The following C16orf96 variants were observed in gnomAD, a reference collection of about 807,000 sequenced individuals.
C16orf96 encodes uncharacterized protein C16orf96.
C16orf96 carries 108 observed loss-of-function variants against 103.6 expected under a neutral mutation model. That is an observed-to-expected ratio of 1.04 (90% CI 0.89 to 1.22). The LOEUF is 1.22. Among genes scored for constraint, C16orf96 ranks in the 50% most tolerant of loss-of-function variants. The pLI is 0.00. For synonymous variants in C16orf96, 566 were observed against 593.5 expected (o/e 0.95, Z 0.67); for missense variants, 1,586 against 1,464.2 (o/e 1.08, Z -1.36).
intron 15 of C16orf96, 128 bp from the exon 16 acceptor site, chr16:4,599,972 C>G: frequency 1.0e-6 from 1 of 960,540 alleles, no homozygotes; most frequent in Non-Finnish European, 1.5e-6. Flanking sequence ...GGTGCCCAGC[C>G]GGCCATGGCC....
intron 1 of C16orf96, among the ~76,000 whole-genome samples, chr16:4,568,186 G>C (rs2059401716): frequency 6.6e-6 from 1 of 151,940 alleles, no homozygotes; most frequent in East Asian, 1.9e-4. Flanking sequence ...TTACAGGCAT[G>C]AGCCACCATA....
At chr16:4,555,641 G>A (rs2059255805), upstream of C16orf96, among the ~76,000 whole-genome samples, 1 of 151,516 alleles carries the variant, frequency 6.6e-6, no homozygotes, top group Non-Finnish European at 1.5e-5. Context: ...AGAGTGCTGG[G>A]ATTACATATG....
Position 4,556,982 on chromosome 16 carries a change from G to T in C16orf96, c.420+73G>T, listed in dbSNP as rs28377843. On this transcript the variant is annotated intron_variant, in intron 1 of 15. Transcript: ENST00000444310. ...CTCTCTCCTGGGACGTCTTTTTTTT[G>T]TTTTTGAGACTCCGTCTCGCTCTGT... 8.4e-6 allele frequency: 12 copies of T among 1,430,736 alleles called. No individual in the cohort carries two copies. In the African/African-American group the frequency reaches 8.7e-5, roughly 10 times the overall value. 88.6% of individuals were successfully genotyped at this position (1,430,736 alleles called of 1,614,324 possible).
At position 4,594,401 on chromosome 16, in the gene C16orf96, AGCAGGACTGGG is replaced by A. The variant is rs1897125142; in HGVS notation, c.2920_2930del (p.Gln974Ter). The stretch of plus-strand genomic sequence containing the variant: ...GACCTCGGTATCCAGGAGGATTGTC[AGCAGGACTGGG>A]GTGATGGCCCCCAAAACGCCACCAG... On this transcript the variant is annotated frameshift_variant, in exon 13 of 16. Coordinates refer to ENST00000444310, the MANE Select transcript of C16orf96 (RefSeq NM_001145011.2). LOFTEE classifies it high-confidence loss of function. 1 of 1,551,386 alleles carries A rather than the reference AGCAGGACTGGG, an allele frequency of 6.4e-7. No homozygotes were observed. The highest frequency in any genetic ancestry group is 1.4e-5 in the African/African-American group (1 of 73,180).
intron 14 of C16orf96, among the ~76,000 whole-genome samples, chr16:4,597,246 G>T (rs1897192319): frequency 6.6e-6 from 1 of 152,154 alleles, no homozygotes; most frequent in East Asian, 1.9e-4. Context: ...GGGCGTCAGG[G>T]ATCACCAGGC....
the C16orf96 span, among the ~76,000 whole-genome samples, chr16:4,547,169 C>G: frequency 6.6e-6 from 1 of 152,058 alleles, no homozygotes; most frequent in Non-Finnish European, 1.5e-5. Context: ...GCGTCTCGCT[C>G]TGTCGCCCAG....
intron 7 of C16orf96, among the ~76,000 whole-genome samples, chr16:4,586,793 G>A (rs1240019909): frequency 3.3e-5 from 5 of 152,158 alleles, no homozygotes; most frequent in East Asian, 1.9e-4. Flanking sequence ...CTAACTCCCC[G>A]TGGAGGAAAG....
intron 1 of C16orf96, chr16:4,562,830 T>C (rs1321074067): frequency 2.0e-5 from 26 of 1,328,194 alleles, no homozygotes; most frequent in South Asian, 1.2e-4. Context: ...TCTTACTGTA[T>C]CATCAGTGTC....
chr16:4,586,912 C>T (rs1896940150), intron 7 of C16orf96, 127 bp from the exon 8 acceptor site: 1 of 786,622 alleles, frequency 1.3e-6, no homozygotes, highest in Non-Finnish European at 2.0e-6. Flanking sequence ...ACGCCCATGC[C>T]CACCTGCCTG....
At chr16:4,561,532 G>A (rs1049869277) in intron 1 of C16orf96, 1 of 152,224 alleles carries the variant, frequency 6.6e-6, no homozygotes, top group African/African-American at 2.4e-5. Context: ...CTGCCTTGAT[G>A]GATGAAGGCT....
At chr16:4,567,692 C>CTTTTTTTTTTTT (rs60143866) in intron 1 of C16orf96, among the ~76,000 whole-genome samples, 2 of 44,528 alleles carry the variant, frequency 4.5e-5, no homozygotes, top group African/African-American at 1.7e-4. Context: ...CTTCTGTTGC[C>CTTTTTTTTTTTT]TTTTTTTTTT....
the C16orf96 span, among the ~76,000 whole-genome samples, chr16:4,551,257 G>C: frequency 6.6e-6 from 1 of 152,134 alleles, no homozygotes; most frequent in Non-Finnish European, 1.5e-5. Context: ...GTGACAGTGA[G>C]ACCCTATCTC....
At chr16:4,569,308 A>G (rs2059412330) in intron 1 of C16orf96, among the ~76,000 whole-genome samples, 1 of 152,282 alleles carries the variant, frequency 6.6e-6, no homozygotes, top group African/African-American at 2.4e-5. Flanking sequence ...GAAAATAGGA[A>G]ATTGAAGTCT....
chr16:4,565,358 C>T (rs902000936), intron 1 of C16orf96, among the ~76,000 whole-genome samples: 2 of 152,202 alleles, frequency 1.3e-5, no homozygotes, highest in Non-Finnish European at 2.9e-5. Context: ...CTCTCTCCTG[C>T]CCCTTCTTCC....
At position 4,575,932 on chromosome 16, in the gene C16orf96, C is replaced by T; in HGVS notation, c.1452C>T (p.Arg484=). 6.4e-7 allele frequency: 1 copy of T among 1,550,942 alleles called. No individual in the cohort carries two copies. Among genetic ancestry groups the T allele is most frequent in the Non-Finnish European group, 8.7e-7 (1 of 1,146,776 alleles). Residue 484 remains arginine, a synonymous_variant, in exon 5 of 16, where the codon CGC becomes CGT. Transcript: ENST00000444310. ...ATGGGGCCCCCAAGGATAGAACTCG[C>T]AAGGATGGGGTCCCCAAAGATAGAG... is the stretch of plus-strand genomic sequence containing the variant. ...RKDGAPKDRT[R]KDGVPKDRGG...
intron 1 of C16orf96, among the ~76,000 whole-genome samples, chr16:4,570,042 T>C (rs1032006169): frequency 2.0e-5 from 3 of 152,174 alleles, no homozygotes; most frequent in South Asian, 2.1e-4. Context: ...GTGCCCACTT[T>C]TTCTCCAGAA....
At chr16:4,549,505 A>G in the C16orf96 span, among the ~76,000 whole-genome samples, 3 of 150,384 alleles carry the variant, frequency 2.0e-5, no homozygotes, top group African/African-American at 7.3e-5. Context: ...CAACCAGAAT[A>G]CCAGCTGGGC....
At chr16:4,549,318 G>C in the C16orf96 span, among the ~76,000 whole-genome samples, 1 of 151,258 alleles carries the variant, frequency 6.6e-6, no homozygotes, top group Admixed American at 6.6e-5. Context: ...ACTAAAAATA[G>C]AAAAATTAGC....
chr16:4,544,896 G>A, the C16orf96 span, among the ~76,000 whole-genome samples: 3 of 152,268 alleles, frequency 2.0e-5, no homozygotes, highest in East Asian at 1.9e-4. Flanking sequence ...CAAACGTAAA[G>A]GCGGTATTCC....
Sources: allele counts gnomAD v4.1 joint callset (sites outside exome capture counted in the v4.1 genomes callset), GRCh38; gene constraint gnomAD v4.1.1; transcripts MANE v1.5; gene names NCBI Gene and HGNC (gene_info 2026-07-23, HGNC 2026-07-21).